CACNA1C: variants seen among roughly 807,000 people sequenced by gnomAD.
CACNA1C encodes the protein voltage-dependent L-type calcium channel subunit alpha-1C.
CACNA1C carries 30 observed loss-of-function variants against 229.0 expected under a neutral mutation model. The ratio of observed to expected loss-of-function variants is 0.13; its 90% CI spans 0.10 to 0.18. The LOEUF (loss-of-function observed/expected upper bound fraction) is 0.18, where lower values mean the gene tolerates loss of function less well. CACNA1C is among the 10% of genes least tolerant of loss of function. The probability of loss-of-function intolerance (pLI) is 1.00; values close to 1 mark genes in which losing one functional copy is unlikely to be tolerated. For synonymous variants in CACNA1C, 1,114 were observed against 1,132.5 expected (o/e 0.98, Z 0.33); for missense variants, 1,658 against 2,845.0 (o/e 0.58, Z 9.49).
At chr12:2,450,294 C>T (rs2099349051) in intron 4 of CACNA1C, among the ~76,000 whole-genome samples, 1 of 152,094 alleles carries the variant, frequency 6.6e-6, no homozygotes, top group Non-Finnish European at 1.5e-5. Context: ...GTGGCTCACA[C>T]CTGTAATCCC....
At chr12:2,637,897 C>T (rs918940707) in intron 30 of CACNA1C, among the ~76,000 whole-genome samples, 3 of 152,244 alleles carry the variant, frequency 2.0e-5, no homozygotes, top group African/African-American at 7.2e-5. Context: ...CCCCAGATGC[C>T]TTATCCACCC....
At chr12:2,011,046 G>T (rs1446378573) in intron 1 of CACNA1C, 1 of 151,516 alleles carries the variant, frequency 6.6e-6, no homozygotes, top group Non-Finnish European at 1.5e-5. Context: ...AGCTACTCGG[G>T]AGGCTGAGGC....
rs187665450 is a variant in CACNA1C at position 2,614,508 on chromosome 12, A to G, written c.3828+2495A>G. ...TAAAGCAGCTCCAAAATTTTCAGGC[A>G]GAAAACCAAACTGGAAAAACTTGAA... On this transcript the variant is annotated intron_variant, in intron 29 of 46. Transcript: ENST00000399655. 1.5e-4 allele frequency: 23 copies of G among 152,368 alleles called. No individual in the cohort carries two copies. The East Asian group carries it at 4.4e-3, about 29-fold the overall frequency. 9.4% of individuals were successfully genotyped at this position (152,368 alleles called of 1,614,324 possible).
intron 34 of CACNA1C, among the ~76,000 whole-genome samples, chr12:2,657,515 G>GA (rs1014860547): frequency 6.6e-5 from 10 of 151,846 alleles, no homozygotes; most frequent in Non-Finnish European, 1.5e-4. Flanking sequence ...ACCACTAGAG[G>GA]AAAAAAATGG....
At chr12:2,451,800 C>T (rs2099378637) in intron 4 of CACNA1C, among the ~76,000 whole-genome samples, 1 of 152,204 alleles carries the variant, frequency 6.6e-6, no homozygotes. Flanking sequence ...GGGAGGCATC[C>T]AGTTGTGTGC....
rs2093549168 is a variant in CACNA1C, at chr12:2,136,743, A to G, written c.477+16313A>G. Among the ~76,000 whole-genome samples, 3 of 151,164 alleles carry G rather than the reference A, an allele frequency of 2.0e-5. 1 individual carries two copies. ...CAAAGGGGAGGCCTTTTCATCTGCT[A>G]CTACCTGAGAGGTAGACTTGGCTTT... On this transcript the variant is annotated intron_variant, in intron 3 of 46. Coordinates refer to ENST00000399655, the MANE Select transcript of CACNA1C (RefSeq NM_000719.7).
intron 1 of CACNA1C, among the ~76,000 whole-genome samples, chr12:2,002,978 C>T (rs2042532389): frequency 6.6e-6 from 1 of 152,166 alleles, no homozygotes; most frequent in African/African-American, 2.4e-5. Flanking sequence ...CCTCTTTCTC[C>T]TGATCAAGAG....
intron 3 of CACNA1C, among the ~76,000 whole-genome samples, chr12:2,356,808 A>G (rs1336386950): frequency 2.0e-5 from 3 of 152,176 alleles, no homozygotes; most frequent in Non-Finnish European, 2.9e-5. Context: ...CTCTATATGC[A>G]TTGCTCCCCT....
chr12:2,184,726 G>A (rs921782867), intron 3 of CACNA1C, among the ~76,000 whole-genome samples: 5 of 152,152 alleles, frequency 3.3e-5, no homozygotes, highest in Non-Finnish European at 5.9e-5. Context: ...CTGGGCTCAC[G>A]GAACTTAGGT....
chr12:2,137,085 G>T (rs957716284), intron 3 of CACNA1C, among the ~76,000 whole-genome samples: 1 of 151,348 alleles, frequency 6.6e-6, no homozygotes, highest in Non-Finnish European at 1.5e-5. Context: ...GGTGAGAGCA[G>T]TCCCCCTCTC....
intron 3 of CACNA1C, among the ~76,000 whole-genome samples, chr12:2,231,355 G>T (rs979443155): frequency 7.2e-5 from 11 of 152,262 alleles, no homozygotes; most frequent in African/African-American, 2.6e-4. Flanking sequence ...AAGCCATTCC[G>T]TTCTGAAAAC....
intron 3 of CACNA1C, among the ~76,000 whole-genome samples, chr12:2,137,083 C>T (rs2093603367): frequency 1.3e-5 from 2 of 151,368 alleles, no homozygotes; most frequent in South Asian, 2.1e-4. Flanking sequence ...CAGGTGAGAG[C>T]AGTCCCCCTC....
chr12:2,200,791 C>T (rs966430296), intron 3 of CACNA1C, among the ~76,000 whole-genome samples: 4 of 152,140 alleles, frequency 2.6e-5, no homozygotes, highest in African/African-American at 4.8e-5. Flanking sequence ...TGGGACCCCT[C>T]CAGATGAGCT....
chr12:2,298,156 G>A (rs1164542747), intron 3 of CACNA1C, among the ~76,000 whole-genome samples: 2 of 152,220 alleles, frequency 1.3e-5, no homozygotes, highest in Non-Finnish European at 2.9e-5. Flanking sequence ...CCCCATCTGA[G>A]GAAGAGGGAC....
At chr12:2,514,796 A>G (rs749672477) in intron 9 of CACNA1C, among the ~76,000 whole-genome samples, 1 of 151,764 alleles carries the variant, frequency 6.6e-6, no homozygotes. Flanking sequence ...TTCTCCGCCT[A>G]AAACAGGAGC....
intron 3 of CACNA1C, among the ~76,000 whole-genome samples, chr12:2,175,139 C>T (rs1268696478): frequency 6.6e-6 from 1 of 152,222 alleles, no homozygotes; most frequent in Non-Finnish European, 1.5e-5. Context: ...GCCTCTATCA[C>T]TCCAGACAAC....
At chr12:2,251,182 C>G (rs1436459673) in intron 3 of CACNA1C, among the ~76,000 whole-genome samples, 1 of 152,086 alleles carries the variant, frequency 6.6e-6, no homozygotes, top group African/African-American at 2.4e-5. Context: ...TTCTGAAGAG[C>G]AGGGGAGAAA....
chr12:2,399,871 C>A (rs1404368071), intron 3 of CACNA1C, among the ~76,000 whole-genome samples: 1 of 152,210 alleles, frequency 6.6e-6, no homozygotes, highest in Non-Finnish European at 1.5e-5. Flanking sequence ...ATTAATAACT[C>A]AGCATCTGAA....
intron 1 of CACNA1C, among the ~76,000 whole-genome samples, chr12:2,109,271 C>T (rs183145330): frequency 5.3e-4 from 81 of 152,168 alleles, no homozygotes; most frequent in East Asian, 5.2e-3. Context: ...GTTTATTCAA[C>T]GGTGGCATGG....
Sources: allele counts gnomAD v4.1 joint callset (sites outside exome capture counted in the v4.1 genomes callset), GRCh38; gene constraint gnomAD v4.1.1; transcripts MANE v1.5; gene names NCBI Gene and HGNC (gene_info 2026-07-23, HGNC 2026-07-21).